ARSB: variants seen among roughly 807,000 people sequenced by gnomAD.
ARSB encodes the protein N-acetylgalactosamine-4-sulfatase.
Under a neutral mutation model 50.9 loss-of-function variants are expected in ARSB, and 41 were observed. That is an observed-to-expected ratio of 0.81 (90% CI 0.63 to 1.04). The LOEUF (loss-of-function observed/expected upper bound fraction) is 1.04, where lower values mean the gene tolerates loss of function less well. ARSB is among the 50% of genes least tolerant of loss of function. The probability of loss-of-function intolerance (pLI) is 0.00; values close to 1 mark genes in which losing one functional copy is unlikely to be tolerated. For missense variants in ARSB, 672 were observed against 693.3 expected, an observed-to-expected ratio of 0.97 and a Z score of 0.35; for synonymous variants, 269 against 284.8, an observed-to-expected ratio of 0.94 and a Z score of 0.56.
intron 4 of ARSB, among the ~76,000 whole-genome samples, chr5:78,944,530 T>C (rs1287113735): frequency 6.6e-6 from 1 of 152,218 alleles, no homozygotes; most frequent in African/African-American, 2.4e-5. Context: ...TGTTGGAGTT[T>C]GCTGGAGGTC....
intron 1 of ARSB, among the ~76,000 whole-genome samples, chr5:78,982,682 G>A (rs117373479): frequency 6.6e-6 from 1 of 152,196 alleles, no homozygotes; most frequent in South Asian, 2.1e-4. Context: ...GTTAACACTT[G>A]TAAGTGCTCA....
Position 78,950,444 on chromosome 5 carries a change from G to A in ARSB, c.898+4851C>T, listed in dbSNP as rs150892121. On this transcript the variant is annotated intron_variant, in intron 4 of 7. Transcript: ENST00000264914. Reference sequence around the variant, plus strand: ...GGATGGCACTAATTTAAGCAGAGGAGAATTATTACCTCCTCTACTTCTGTG... The same window carrying A: ...GGATGGCACTAATTTAAGCAGAGGAAAATTATTACCTCCTCTACTTCTGTG... Among the ~76,000 whole-genome samples, 34 of 152,246 alleles carry A rather than the reference G, an allele frequency of 2.2e-4. No homozygotes were observed. The East Asian group carries it at 4.4e-3, about 20-fold the overall frequency.
chr5:78,972,020 A>G (rs972022086), intron 1 of ARSB, among the ~76,000 whole-genome samples: 2 of 152,230 alleles, frequency 1.3e-5, no homozygotes, highest in African/African-American at 4.8e-5. Context: ...TTTGCCCTTC[A>G]AATCCACGCT....
intron 6 of ARSB, among the ~76,000 whole-genome samples, chr5:78,802,977 A>T (rs971260640): frequency 6.6e-6 from 1 of 152,226 alleles, no homozygotes; most frequent in Admixed American, 6.5e-5. Flanking sequence ...GTCTCCTAAG[A>T]TCTCAACTCC....
intron 4 of ARSB, among the ~76,000 whole-genome samples, chr5:78,887,221 T>C (rs1034103352): frequency 3.3e-5 from 5 of 152,192 alleles, no homozygotes; most frequent in Non-Finnish European, 7.3e-5. Context: ...CATCAGTTGC[T>C]GGTGAGGGCT....
chr5:78,966,903 C>A (rs1752229222), intron 2 of ARSB, among the ~76,000 whole-genome samples: 1 of 142,786 alleles, frequency 7.0e-6, no homozygotes, highest in African/African-American at 2.6e-5. Flanking sequence ...ATTTGAGGTA[C>A]TGAGAATACA....
chr5:78,983,348 CGGCCCAGGAA>C (rs1274697251), intron 1 of ARSB, among the ~76,000 whole-genome samples: 3 of 152,200 alleles, frequency 2.0e-5, no homozygotes, highest in African/African-American at 7.2e-5. Flanking sequence ...CCACCGTTCC[CGGCCCAGGAA>C]TGGGTTTCTG....
intron 3 of ARSB, among the ~76,000 whole-genome samples, chr5:78,962,194 G>A (rs1367218601): frequency 6.6e-6 from 1 of 152,118 alleles, no homozygotes. Context: ...TGTGTAAAAT[G>A]GTGGCTCCCT....
chr5:78,858,559 C>T (rs1052377039), intron 5 of ARSB, among the ~76,000 whole-genome samples: 1 of 152,128 alleles, frequency 6.6e-6, no homozygotes, highest in Admixed American at 6.6e-5. Flanking sequence ...AAACATTTCC[C>T]ATAAATAAAT....
At chr5:78,960,814 C>T (rs918172454) in intron 3 of ARSB, among the ~76,000 whole-genome samples, 12 of 152,174 alleles carry the variant, frequency 7.9e-5, no homozygotes, top group Non-Finnish European at 4.4e-5. Context: ...CCACCCGCCT[C>T]GGCCTCCCAA....
intron 6 of ARSB, among the ~76,000 whole-genome samples, chr5:78,788,061 T>C (rs1023126572): frequency 1.3e-5 from 2 of 152,184 alleles, no homozygotes; most frequent in East Asian, 1.9e-4. Flanking sequence ...GGGTTTCAGA[T>C]GGCGAATCAG....
intron 6 of ARSB, among the ~76,000 whole-genome samples, chr5:78,811,097 G>A (rs1743790969): frequency 2.0e-5 from 3 of 152,180 alleles, no homozygotes; most frequent in African/African-American, 2.4e-5. Context: ...ACAGAAGCAT[G>A]CGTTTGACAC....
intron 4 of ARSB, among the ~76,000 whole-genome samples, chr5:78,946,888 G>A (rs1006652162): frequency 3.3e-5 from 5 of 152,098 alleles, no homozygotes; most frequent in African/African-American, 9.7e-5. Context: ...ATACTATAGA[G>A]TTATAGTAAC....
chr5:78,832,429 C>T (rs1051198125), intron 6 of ARSB, among the ~76,000 whole-genome samples: 4 of 152,160 alleles, frequency 2.6e-5, no homozygotes, highest in African/African-American at 9.7e-5. Flanking sequence ...TTGGCTTTAG[C>T]TTAACTGATC....
intron 6 of ARSB, among the ~76,000 whole-genome samples, chr5:78,830,865 A>G (rs1402796937): frequency 6.6e-6 from 1 of 152,200 alleles, no homozygotes; most frequent in Non-Finnish European, 1.5e-5. Flanking sequence ...AGACGACACA[A>G]AATTCTAACT....
At chr5:78,800,336 A>AGCAGC (rs1554071191) in intron 6 of ARSB, among the ~76,000 whole-genome samples, 16 of 143,778 alleles carry the variant, frequency 1.1e-4, no homozygotes, top group African/African-American at 3.8e-4. Context: ...AAAAAAAAAA[A>AGCAGC]AGCAGCAGCA....
chr5:78,815,965 C>T, intron 6 of ARSB: 1 of 1,548,544 alleles, frequency 6.5e-7, no homozygotes, highest in Non-Finnish European at 8.7e-7. Flanking sequence ...TTCCTAGTTC[C>T]CGCCTCTTCT....
At chr5:78,916,904 C>A in intron 4 of ARSB, among the ~76,000 whole-genome samples, 1 of 152,134 alleles carries the variant, frequency 6.6e-6, no homozygotes, top group Non-Finnish European at 1.5e-5. Context: ...TAGTGGTGAA[C>A]AAGACAGACA....
chr5:78,867,305 T>C (rs927230033), intron 5 of ARSB, among the ~76,000 whole-genome samples: 1 of 151,728 alleles, frequency 6.6e-6, no homozygotes, highest in Non-Finnish European at 1.5e-5. Context: ...TCGAACTGGG[T>C]GGAGCCCACC....
Sources: gnomAD v4.1 joint callset for allele counts (sites outside exome capture counted in the v4.1 genomes callset) on GRCh38, gnomAD v4.1.1 for gene constraint, MANE v1.5 for transcripts, NCBI Gene and HGNC (gene_info 2026-07-23, HGNC 2026-07-21) for gene names.